The following SAMMSON variants were observed in gnomAD, a reference collection of about 807,000 sequenced individuals.
SAMMSON encodes the protein long intergenic non-protein coding RNA 1212.
At chr3:70,371,539 T>C (rs1702969832) in intron 9 of SAMMSON, among the ~76,000 whole-genome samples, 1 of 152,146 alleles carries the variant, frequency 6.6e-6, no homozygotes, top group South Asian at 2.1e-4. Context: ...GTTTTTGTTT[T>C]GTAGAGGTCT....
chr3:70,092,637 A>G (rs976254724), intron 4 of SAMMSON, among the ~76,000 whole-genome samples: 6 of 152,146 alleles, frequency 3.9e-5, no homozygotes, highest in African/African-American at 1.4e-4. Flanking sequence ...GGGGCCCTGC[A>G]TAAACTCGTT....
At chr3:70,312,479 G>A (rs1208462188) in intron 7 of SAMMSON, 1 of 152,130 alleles carries the variant, frequency 6.6e-6, no homozygotes, top group Admixed American at 6.5e-5. Flanking sequence ...ACGAACCTTC[G>A]GTGCAGTGCA....
At chr3:70,312,119 A>G (rs1160764798) in intron 7 of SAMMSON, 1 of 388,646 alleles carries the variant, frequency 2.6e-6, no homozygotes, top group East Asian at 3.6e-5. Flanking sequence ...GTTAAGTCTT[A>G]ACATTTTATT....
At chr3:70,099,549 G>C (rs927401656) in intron 4 of SAMMSON, among the ~76,000 whole-genome samples, 3 of 152,002 alleles carry the variant, frequency 2.0e-5, no homozygotes, top group African/African-American at 7.3e-5. Flanking sequence ...TCAACTGGAT[G>C]GTCTTTTTAT....
chr3:70,267,497 G>T (rs1373906493), intron 6 of SAMMSON, among the ~76,000 whole-genome samples: 3 of 145,760 alleles, frequency 2.1e-5, no homozygotes, highest in Non-Finnish European at 3.0e-5. Flanking sequence ...CCGCCTCCTG[G>T]GCTCACGCCC....
intron 7 of SAMMSON, among the ~76,000 whole-genome samples, chr3:70,335,030 C>T (rs187481945): frequency 2.7e-5 from 4 of 148,370 alleles, no homozygotes; most frequent in East Asian, 2.0e-4. Flanking sequence ...GGAATTTCAT[C>T]GCAACCCTCA....
chr3:70,419,731 C>T lies in SAMMSON; in HGVS notation n.234-42829C>T, dbSNP rs141518759. 2.9e-3 allele frequency among the ~76,000 whole-genome samples: 435 copies of T among 152,230 alleles called. 4 individuals are homozygous for T. The highest frequency in any genetic ancestry group is 9.7e-3 in the African/African-American group (405 of 41,550). ...TCGGCTCACTGCAAGCTCCGCCTCCCGGGTTCACGCCATTCTCCTGCCTCA... is the reference window on the plus strand; with the variant it reads ...TCGGCTCACTGCAAGCTCCGCCTCCTGGGTTCACGCCATTCTCCTGCCTCA... On this transcript the variant is annotated intron_variant and non_coding_transcript_variant, in intron 2 of 3. Transcript: ENST00000641053.
chr3:70,251,409 T>C (rs559225644), intron 6 of SAMMSON, among the ~76,000 whole-genome samples: 1 of 152,326 alleles, frequency 6.6e-6, no homozygotes, highest in South Asian at 2.1e-4. Context: ...TCCCAAGATT[T>C]AAGGTTACAG....
intron 6 of SAMMSON, among the ~76,000 whole-genome samples, chr3:70,260,497 C>T (rs1177290176): frequency 6.6e-6 from 1 of 152,058 alleles, no homozygotes; most frequent in Non-Finnish European, 1.5e-5. Context: ...GCCCCATTCC[C>T]TATCATCTTC....
chr3:70,289,907 C>A (rs1702213955), intron 6 of SAMMSON, among the ~76,000 whole-genome samples: 2 of 151,948 alleles, frequency 1.3e-5, no homozygotes, highest in Admixed American at 6.6e-5. Flanking sequence ...GTTTTCAGCT[C>A]CATCAGCTCC....
intron 7 of SAMMSON, among the ~76,000 whole-genome samples, chr3:70,327,203 G>A (rs2106720568): frequency 6.6e-6 from 1 of 152,308 alleles, no homozygotes; most frequent in African/African-American, 2.4e-5. Flanking sequence ...TATCAAATAT[G>A]TTATGAGGAA....
chr3:70,012,441 A>G (rs192933294), exon 2 of SAMMSON: 220 of 152,204 alleles, frequency 1.4e-3, no homozygotes, highest in African/African-American at 5.1e-3. Flanking sequence ...TGAAGATACT[A>G]CACTGCGGAC....
At chr3:70,131,244 G>A (rs1224208375) in intron 4 of SAMMSON, among the ~76,000 whole-genome samples, 1 of 152,150 alleles carries the variant, frequency 6.6e-6, no homozygotes, top group Non-Finnish European at 1.5e-5. Flanking sequence ...AGCATTCTCA[G>A]GATAGCATTA....
chr3:70,108,733 C>T (rs1337591450), intron 4 of SAMMSON, among the ~76,000 whole-genome samples: 1 of 151,890 alleles, frequency 6.6e-6, no homozygotes, highest in Non-Finnish European at 1.5e-5. Context: ...CAAAGAAGTC[C>T]TGTGAGCACA....
intron 4 of SAMMSON, among the ~76,000 whole-genome samples, chr3:70,182,622 G>A (rs139266198): frequency 6.6e-6 from 1 of 152,148 alleles, no homozygotes; most frequent in East Asian, 1.9e-4. Context: ...ATGATTTCAC[G>A]GGCTAATTTA....
At chr3:70,348,773 G>A (rs571821357) in intron 7 of SAMMSON, among the ~76,000 whole-genome samples, 3 of 152,290 alleles carry the variant, frequency 2.0e-5, no homozygotes, top group African/African-American at 7.2e-5. Context: ...ACAGGTCACA[G>A]AGGACTTTGC....
chr3:70,163,713 C>A (rs905638978), intron 4 of SAMMSON, among the ~76,000 whole-genome samples: 9 of 151,764 alleles, frequency 5.9e-5, no homozygotes, highest in Admixed American at 5.9e-4. Context: ...GCTGACGATG[C>A]GGGGAGGGAT....
chr3:70,236,000 G>GA (rs1245481390), intron 4 of SAMMSON, among the ~76,000 whole-genome samples: 1 of 152,022 alleles, frequency 6.6e-6, no homozygotes, highest in Non-Finnish European at 1.5e-5. Flanking sequence ...CAAGGTGCTT[G>GA]AAAAAATACT....
At chr3:70,051,134 C>CAAAAAAA (rs71126477) in intron 3 of SAMMSON, among the ~76,000 whole-genome samples, 18 of 45,230 alleles carry the variant, frequency 4.0e-4, no homozygotes, top group Non-Finnish European at 5.7e-4. Flanking sequence ...TACTCCATCT[C>CAAAAAAA]AAAAAAAAAA....
Sources: gnomAD v4.1 joint callset for allele counts (sites outside exome capture counted in the v4.1 genomes callset) on GRCh38, gnomAD v4.1.1 for gene constraint, MANE v1.5 for transcripts, NCBI Gene and HGNC (gene_info 2026-07-23, HGNC 2026-07-21) for gene names.